The following CWC15 variants were observed in gnomAD, a reference collection of about 807,000 sequenced individuals.
The protein encoded by CWC15 is spliceosome-associated protein CWC15 homolog.
Under a neutral mutation model 28.4 loss-of-function variants are expected in CWC15, and 12 were observed. The observed-to-expected ratio is 0.42, with a 90% CI of 0.27 to 0.69. CWC15 has a LOEUF of 0.69. Among genes scored for constraint, CWC15 ranks in the 30% least tolerant of loss-of-function variants. The pLI is 0.23. For synonymous variants in CWC15, 92 were observed against 88.4 expected (o/e 1.04, Z -0.23); for missense variants, 192 against 271.5 (o/e 0.71, Z 2.06).
At chr11:94,970,192 A>G (rs1365959305) in intron 4 of CWC15, 96 bp from the exon 5 acceptor site, 1 of 497,434 alleles carries the variant, frequency 2.0e-6, no homozygotes, top group Non-Finnish European at 3.3e-6. Flanking sequence ...GAAAGTCAAA[A>G]CAATTTTATG....
intron 1 of CWC15, among the ~76,000 whole-genome samples, chr11:94,972,962 C>T (rs1452761062): frequency 7.0e-6 from 1 of 143,192 alleles, no homozygotes; most frequent in Non-Finnish European, 1.5e-5. Flanking sequence ...CACAAGAATA[C>T]TGTGCAGCAG....
At chr11:94,963,825 T>G (rs1181361970) in intron 6 of CWC15, among the ~76,000 whole-genome samples, 1 of 152,160 alleles carries the variant, frequency 6.6e-6, no homozygotes, top group East Asian at 1.9e-4. Flanking sequence ...TTAGGTCTAA[T>G]AGAAAGAAGC....
chr11:94,966,218 T>TACACAC (rs1857637772), intron 6 of CWC15, 77 bp downstream of exon 6: 2 of 788,882 alleles, frequency 2.5e-6, no homozygotes, highest in African/African-American at 2.2e-5. Context: ...TGTATACACA[T>TACACAC]ACACATATAC....
intron 3 of CWC15, 81 bp from the exon 4 acceptor site, chr11:94,971,146 G>C: frequency 6.3e-6 from 8 of 1,264,358 alleles, no homozygotes; most frequent in Non-Finnish European, 8.1e-6. Context: ...GTGAGCACAA[G>C]GAGCCCACAT....
Position 94,963,520 on chromosome 11 carries a change from G to A in CWC15, c.561-6C>T. ...AGACAACGTCATCATCCCACCTGAG[G>A]AAAAAAAAGCAAACAGAACGTCTGA... is the stretch of plus-strand genomic sequence containing the variant. On this transcript the variant is annotated splice_polypyrimidine_tract_variant and splice_region_variant and intron_variant, in intron 6 of 6. Coordinates refer to ENST00000279839, the MANE Select transcript of CWC15 (RefSeq NM_016403.4). 1 of 1,552,120 alleles carries A rather than the reference G, an allele frequency of 6.4e-7. No homozygotes were observed. Among genetic ancestry groups the A allele is most frequent in the Non-Finnish European group, 8.7e-7 (1 of 1,149,520 alleles).
At chr11:94,969,567 G>A (rs587704540) in intron 5 of CWC15, among the ~76,000 whole-genome samples, 1 of 151,602 alleles carries the variant, frequency 6.6e-6, no homozygotes, top group East Asian at 1.9e-4. Context: ...TGGGGGCTCA[G>A]AGAAGTTAGG....
At chr11:94,964,253 T>C (rs1309324434) in intron 6 of CWC15, among the ~76,000 whole-genome samples, 1 of 99,804 alleles carries the variant, frequency 1.0e-5, no homozygotes, top group East Asian at 3.0e-4. Flanking sequence ...CTCACAAATA[T>C]ATATATAACA....
chr11:94,971,521 C>T (rs587701285), intron 2 of CWC15, 34 bp from the exon 3 acceptor site: 6 of 1,103,670 alleles, frequency 5.4e-6, no homozygotes, highest in East Asian at 4.9e-5. Context: ...AAAAATGTTA[C>T]TTAAACACAC....
chr11:94,965,366 A>G (rs587711356), intron 6 of CWC15, among the ~76,000 whole-genome samples: 3 of 152,214 alleles, frequency 2.0e-5, no homozygotes, highest in African/African-American at 7.2e-5. Context: ...TTTATTTTAT[A>G]TATCACCATC....
chr11:94,963,309 G>GAAA lies in CWC15; in HGVS notation c.*73_*75dup, dbSNP rs58293261. The stretch of plus-strand genomic sequence containing the variant: ...CACACACAATTTAGACAGGGGAAAA[G>GAAA]AAAAAAAAAACTCATAAAAAAAGTC... On this transcript the variant is annotated 3_prime_UTR_variant, in exon 7 of 7. Transcript: ENST00000279839. 1.5e-4 allele frequency: 169 copies of GAAA among 1,108,236 alleles called. No individual in the cohort carries two copies. The highest frequency in any genetic ancestry group is 1.8e-4 in the Non-Finnish European group (145 of 826,114). 68.7% of individuals were successfully genotyped at this position (1,108,236 alleles called of 1,614,324 possible).
chr11:94,964,249 AAT>A (rs1213672080), intron 6 of CWC15, among the ~76,000 whole-genome samples: 3 of 125,118 alleles, frequency 2.4e-5, no homozygotes, highest in Non-Finnish European at 3.3e-5. Flanking sequence ...TACCCTCACA[AAT>A]ATATATATAA....
chr11:94,966,286 G>GTATA lies in CWC15; in HGVS notation c.560+5_560+8dup. 1 of 1,387,958 alleles carries GTATA rather than the reference G, an allele frequency of 7.2e-7. No individual in the cohort carries two copies. Among genetic ancestry groups the GTATA allele is most frequent in the East Asian group, 2.5e-5 (1 of 39,898 alleles). The allele number at this position is 1,387,958 out of a possible 1,614,324, so 86.0% of individuals were successfully genotyped here. On this transcript the variant is annotated intron_variant, in intron 6 of 6. Coordinates refer to ENST00000279839, the MANE Select transcript of CWC15 (RefSeq NM_016403.4). ...ACACACACTCCATTACTCCGTTACT[G>GTATA]TATAGTACCTTCTTTTAACTTTGAA...
chr11:94,969,716 C>T (rs587600758), intron 5 of CWC15, among the ~76,000 whole-genome samples: 1 of 152,072 alleles, frequency 6.6e-6, no homozygotes, highest in East Asian at 1.9e-4. Flanking sequence ...TAACAGATAT[C>T]GACTAAATGT....
intron 6 of CWC15, among the ~76,000 whole-genome samples, chr11:94,964,963 A>G (rs187373086): frequency 6.6e-6 from 1 of 152,372 alleles, no homozygotes; most frequent in East Asian, 1.9e-4. Context: ...TACTATCTCC[A>G]GCTTGGACTA....
At chr11:94,966,045 C>A (rs1857635355) in intron 6 of CWC15, among the ~76,000 whole-genome samples, 1 of 152,122 alleles carries the variant, frequency 6.6e-6, no homozygotes, top group East Asian at 1.9e-4. Flanking sequence ...TAGTACACAG[C>A]TGGTTATTGC....
intron 5 of CWC15, among the ~76,000 whole-genome samples, chr11:94,968,829 G>C (rs962208748): frequency 3.9e-5 from 6 of 152,126 alleles, no homozygotes. Context: ...TGACCATGCA[G>C]TATATTTTCT....
chr11:94,968,921 G>A (rs1857681687), intron 5 of CWC15, among the ~76,000 whole-genome samples: 1 of 152,120 alleles, frequency 6.6e-6, no homozygotes, highest in Admixed American at 6.5e-5. Flanking sequence ...GTGCTGCTCT[G>A]GTTGAAAACA....
intron 5 of CWC15, among the ~76,000 whole-genome samples, chr11:94,968,144 T>C (rs982224716): frequency 6.6e-6 from 1 of 152,216 alleles, no homozygotes; most frequent in Non-Finnish European, 1.5e-5. Context: ...AAATATTTTA[T>C]TGAAACATTG....
At chr11:94,971,992 G>T in intron 2 of CWC15, 63 bp downstream of exon 2, 6 of 1,444,156 alleles carry the variant, frequency 4.2e-6, no homozygotes, top group South Asian at 3.8e-5. Context: ...ACTATATCAT[G>T]ACCATGCCAT....
Sources: gnomAD v4.1 joint callset for allele counts (sites outside exome capture counted in the v4.1 genomes callset) on GRCh38, gnomAD v4.1.1 for gene constraint, MANE v1.5 for transcripts, NCBI Gene and HGNC (gene_info 2026-07-23, HGNC 2026-07-21) for gene names.